PLEKHH2: variants seen among roughly 807,000 people sequenced by gnomAD.
PLEKHH2 encodes pleckstrin homology domain-containing family H member 2.
In PLEKHH2, 129 loss-of-function variants were observed where a neutral mutation model predicts 187.9. The observed-to-expected ratio is 0.69, with a 90% confidence interval of 0.59 to 0.79. The LOEUF (loss-of-function observed/expected upper bound fraction) is 0.79. Among genes scored for constraint, PLEKHH2 ranks in the 30% least tolerant of loss-of-function variants. The pLI is 0.00. For missense variants in PLEKHH2, 2,076 were observed against 1,751.2 expected (o/e 1.19, Z -3.31); for synonymous variants, 686 against 605.6 (o/e 1.13, Z -1.95).
At position 43,697,311 on chromosome 2, in the gene PLEKHH2, A is replaced by T. The variant is rs780924933; in HGVS notation, c.643A>T (p.Ile215Leu). The T allele has an allele frequency of 6.2e-7, 1 of 1,613,602 alleles. No homozygotes were observed. Among genetic ancestry groups the T allele is most frequent in the African/African-American group, 1.3e-5 (1 of 74,910 alleles). ...QVVKSEEMSK[I>L]SSKEPEFTEG... ...AGTAAAATCTGAGGAAATGAGCAAG[A>T]TATCATCGAAAGAACCTGAGTTCAC... The change falls in exon 7 of 30, where the codon ATA becomes TTA. Residue 215 changes from isoleucine (I) to leucine (L), a missense_variant. Physicochemically the swap from Ile to Leu is conservative, Grantham distance 5. Transcript: ENST00000282406.
At chr2:43,673,842 T>A (rs1667600366) in intron 2 of PLEKHH2, among the ~76,000 whole-genome samples, 1 of 152,188 alleles carries the variant, frequency 6.6e-6, no homozygotes, top group Admixed American at 6.5e-5. Flanking sequence ...TTCTTTCCAG[T>A]TTTCCCTATA....
In PLEKHH2 at chr2:43,644,703, A is replaced by G; in HGVS notation, c.30A>G (p.Pro10=). MAELSEPEG[P]VDWKERCVAL... is the part of the protein sequence containing the mutation. ...CAGAGCTTTCTGAGCCAGAGGGACC[A>G]GTAGATTGGAAGGAACGATGTGTAG... The change falls in exon 2 of 30, where the codon CCA becomes CCG. Residue 10 remains proline, a synonymous_variant. Transcript: ENST00000282406. 5 of 1,606,500 alleles carry G rather than the reference A, an allele frequency of 3.1e-6. No homozygotes were observed. Among genetic ancestry groups the G allele is most frequent in the Non-Finnish European group, 4.3e-6 (5 of 1,175,132 alleles).
intron 3 of PLEKHH2, among the ~76,000 whole-genome samples, chr2:43,691,495 G>A (rs769999577): frequency 1.3e-5 from 2 of 152,182 alleles, no homozygotes; most frequent in Non-Finnish European, 2.9e-5. Context: ...AATAGGTGAA[G>A]GATGGGATCA....
intron 11 of PLEKHH2, 26 bp from the exon 12 acceptor site, chr2:43,709,964 C>A: frequency 6.3e-7 from 1 of 1,588,700 alleles, no homozygotes; most frequent in Non-Finnish European, 8.6e-7. Flanking sequence ...TAAATACTGA[C>A]TTGATTTCTT....
intron 4 of PLEKHH2, 45 bp from the exon 5 acceptor site, chr2:43,694,386 A>C (rs780183215): frequency 6.6e-7 from 1 of 1,514,442 alleles, no homozygotes; most frequent in Admixed American, 2.1e-5. Flanking sequence ...TTTCCAGACC[A>C]TTGAGTTTAT....
intron 3 of PLEKHH2, among the ~76,000 whole-genome samples, chr2:43,683,676 A>T (rs557906242): frequency 2.0e-5 from 3 of 152,220 alleles, no homozygotes; most frequent in Admixed American, 6.5e-5. Context: ...TGTAAAATAT[A>T]GTTAGATCTA....
intron 17 of PLEKHH2, among the ~76,000 whole-genome samples, chr2:43,727,327 G>A (rs13010466): frequency 0.087 from 13,125 of 150,216 alleles, 681 homozygotes; most frequent in African/African-American, 0.14. Context: ...CAGGGGAATC[G>A]CTTGAACCCA....
chr2:43,730,085 G>T (rs961266524), intron 18 of PLEKHH2, among the ~76,000 whole-genome samples: 3 of 152,096 alleles, frequency 2.0e-5, no homozygotes, highest in African/African-American at 7.2e-5. Context: ...TCAGCATCTG[G>T]CTCATAAAAG....
chr2:43,739,295 C>CA (rs924351797), intron 20 of PLEKHH2, among the ~76,000 whole-genome samples: 22 of 150,108 alleles, frequency 1.5e-4, no homozygotes, highest in African/African-American at 3.9e-4. Flanking sequence ...TCTTACCAGG[C>CA]AAAAAAAAAT....
At position 43,644,712 on chromosome 2, in the gene PLEKHH2, G is replaced by C; in HGVS notation, c.39G>C (p.Trp13Cys). The C allele has an allele frequency of 6.2e-7, 1 of 1,608,036 alleles. No individual in the cohort carries two copies. The highest frequency in any genetic ancestry group is 8.5e-7 in the Non-Finnish European group (1 of 1,175,940). The change falls in exon 2 of 30, where the codon TGG becomes TGC. Residue 13 changes from tryptophan (W) to cysteine (C), a missense_variant. Coordinates refer to ENST00000282406, the MANE Select transcript of PLEKHH2 (RefSeq NM_172069.4). ...ELSEPEGPVD[W>C]KERCVALESQ... is the part of the protein sequence containing the mutation. ...CTGAGCCAGAGGGACCAGTAGATTGGAAGGAACGATGTGTAGCTCTGGAGT... is the reference window on the plus strand; with the variant it reads ...CTGAGCCAGAGGGACCAGTAGATTGCAAGGAACGATGTGTAGCTCTGGAGT...
intron 1 of PLEKHH2, among the ~76,000 whole-genome samples, chr2:43,641,976 A>G (rs1381530075): frequency 6.6e-6 from 1 of 152,200 alleles, no homozygotes; most frequent in Non-Finnish European, 1.5e-5. Flanking sequence ...TTGAATTTCC[A>G]GGCAAAGTTT....
chr2:43,703,979 A>G lies in PLEKHH2; in HGVS notation c.1651-2A>G. On this transcript the variant is annotated splice_acceptor_variant, in intron 8 of 29. Transcript: ENST00000282406. LOFTEE classifies it high-confidence loss of function. ...CTGTTCAAACTCTCTCTTTTACCCT[A>G]GGAAAGCAGAATTTATGCTGTAGCC... is the stretch of plus-strand genomic sequence containing the variant. 6.6e-7 allele frequency: 1 copy of G among 1,520,414 alleles called. No homozygotes were observed. 94.2% of individuals were successfully genotyped at this position (1,520,414 alleles called of 1,614,324 possible). A position where few individuals can be genotyped will look rare whatever the true frequency, so the allele number is the denominator to read the frequency against.
intron 27 of PLEKHH2, among the ~76,000 whole-genome samples, chr2:43,761,793 T>C (rs1672442355): frequency 6.6e-6 from 1 of 152,234 alleles, no homozygotes; most frequent in Admixed American, 6.5e-5. Context: ...TCATATTTTC[T>C]TGTTATTGTG....
At chr2:43,736,163 A>G (rs1453628856) in intron 19 of PLEKHH2, among the ~76,000 whole-genome samples, 2 of 152,194 alleles carry the variant, frequency 1.3e-5, no homozygotes, top group Admixed American at 6.5e-5. Context: ...GAAAACCCAA[A>G]AGAACAAACT....
intron 16 of PLEKHH2, among the ~76,000 whole-genome samples, chr2:43,725,185 TG>T (rs1670682195): frequency 2.0e-5 from 3 of 152,222 alleles, no homozygotes; most frequent in African/African-American, 7.2e-5. Context: ...TTATCAGCTC[TG>T]TCTCATTCCG....
At chr2:43,685,636 C>G (rs1459564566) in intron 3 of PLEKHH2, among the ~76,000 whole-genome samples, 1 of 136,792 alleles carries the variant, frequency 7.3e-6, no homozygotes, top group African/African-American at 2.7e-5. Context: ...GAGACGATGT[C>G]TCACCACATT....
intron 25 of PLEKHH2, among the ~76,000 whole-genome samples, chr2:43,755,516 G>A (rs1202058467): frequency 2.6e-5 from 4 of 152,136 alleles, no homozygotes; most frequent in Admixed American, 6.6e-5. Flanking sequence ...AAATGCTAGA[G>A]GGATTTTTTC....
intron 2 of PLEKHH2, among the ~76,000 whole-genome samples, chr2:43,645,474 C>G (rs1476916081): frequency 1.3e-5 from 2 of 152,080 alleles, no homozygotes; most frequent in Non-Finnish European, 2.9e-5. Context: ...AACTTGAATT[C>G]TAGACCTCTG....
chr2:43,755,425 A>C (rs755956244), intron 25 of PLEKHH2, among the ~76,000 whole-genome samples: 7 of 152,188 alleles, frequency 4.6e-5, no homozygotes, highest in Non-Finnish European at 1.0e-4. Context: ...TCATTGTCTC[A>C]TACTGCCTGC....
Sources: gnomAD v4.1 joint callset for allele counts (sites outside exome capture counted in the v4.1 genomes callset) on GRCh38, gnomAD v4.1.1 for gene constraint, MANE v1.5 for transcripts, NCBI Gene and HGNC (gene_info 2026-07-23, HGNC 2026-07-21) for gene names.